Variants in CCDC88C observed in about 807,000 individuals in gnomAD.
CCDC88C encodes the protein coiled-coil and HOOK domain protein 88C, also known as protein Daple.
A neutral mutation model predicts 198.8 loss-of-function variants in CCDC88C; 131 were observed. The observed-to-expected ratio is 0.66, with a 90% CI of 0.57 to 0.76. The LOEUF (loss-of-function observed/expected upper bound fraction) is 0.76. CCDC88C is among the 30% of genes least tolerant of loss of function. The pLI is 0.00. For synonymous variants in CCDC88C, 1,166 were observed against 1,114.7 expected, an observed-to-expected ratio of 1.05 and a Z score of -0.92; for missense variants, 2,553 against 2,631.6, an observed-to-expected ratio of 0.97 and a Z score of 0.65.
intron 3 of CCDC88C, 54 bp downstream of exon 3, chr14:91,408,605 G>T: frequency 8.8e-7 from 1 of 1,135,354 alleles, no homozygotes; most frequent in Non-Finnish European, 1.3e-6. Flanking sequence ...AACCGTGACA[G>T]TGACGATACT....
chr14:91,393,837 G>C (rs1213382342), intron 3 of CCDC88C, among the ~76,000 whole-genome samples: 2 of 152,218 alleles, frequency 1.3e-5, no homozygotes, highest in Non-Finnish European at 1.5e-5. Context: ...CTGGGCGACA[G>C]AGCGAGACTC....
intron 3 of CCDC88C, among the ~76,000 whole-genome samples, chr14:91,366,166 AC>A (rs1165154384): frequency 3.0e-5 from 4 of 131,824 alleles, no homozygotes; most frequent in African/African-American, 1.7e-4. Flanking sequence ...ACACACACAC[AC>A]ACACACACAC....
In CCDC88C at chr14:91,315,729, G is replaced by T. The variant is rs376473736; in HGVS notation, c.1586C>A (p.Thr529Asn). The change falls in exon 14 of 30, where the codon ACC (threonine) becomes AAC (asparagine). Residue 529 changes from threonine (T) to asparagine (N), a missense_variant. This residue lies in a region of CCDC88C where 1,260 missense variants were observed against 1,412.0 expected (regional missense o/e 0.89). Coordinates refer to ENST00000389857, the MANE Select transcript of CCDC88C (RefSeq NM_001080414.4). ...CTCTCTGATCAGCTCCTCACTGAGG[G>T]TCTCCAGATCTTGGTTGCTCTGCTT... Reference protein sequence around the residue: ...REKQSNQDLETLSEELIREKE... With the variant: ...REKQSNQDLENLSEELIREKE... 6.2e-6 allele frequency: 10 copies of T among 1,613,780 alleles called. No homozygotes were observed. The highest frequency in any genetic ancestry group is 7.6e-6 in the Non-Finnish European group (9 of 1,179,810).
rs1024705114 is a variant in CCDC88C, at chr14:91,326,560, A to C, written c.1051-504T>G. Among the ~76,000 whole-genome samples the C allele has an allele frequency of 5.2e-4, 79 of 152,148 alleles. 1 individual carries two copies. The highest frequency in any genetic ancestry group is 1.9e-3 in the African/African-American group (79 of 41,428). ...GCAAGGACAATGGACTTTCTCTGCTATAAGAAAAAAAAATCCATGAATCAA... is the reference window on the plus strand; with the variant it reads ...GCAAGGACAATGGACTTTCTCTGCTCTAAGAAAAAAAAATCCATGAATCAA... On this transcript the variant is annotated intron_variant, in intron 10 of 29. Coordinates refer to ENST00000389857, the MANE Select transcript of CCDC88C (RefSeq NM_001080414.4).
chr14:91,416,084 G>A (rs1260199133), intron 2 of CCDC88C, among the ~76,000 whole-genome samples: 2 of 152,186 alleles, frequency 1.3e-5, no homozygotes, highest in East Asian at 1.9e-4. Flanking sequence ...CAATCAGGCC[G>A]TGCAGAGCTC....
intron 10 of CCDC88C, among the ~76,000 whole-genome samples, chr14:91,328,072 G>GT (rs1178251245): frequency 2.6e-5 from 4 of 152,174 alleles, no homozygotes; most frequent in Admixed American, 2.0e-4. Context: ...TGAGCCTCGC[G>GT]TAAGTGTTCA....
intron 23 of CCDC88C, among the ~76,000 whole-genome samples, chr14:91,293,106 C>CACCTTCCCATCCTCACCTGCCACAGCT (rs1890741740): frequency 6.0e-5 from 1 of 16,652 alleles, no homozygotes. Context: ...CTGCCACGGC[C>CACCTTCCCATCCTCACCTGCCACAGCT]CACCTTCCCG....
At position 91,325,530 on chromosome 14, in the gene CCDC88C, A is replaced by G. The variant is rs1228857834; in HGVS notation, c.1197+380T>C. On this transcript the variant is annotated intron_variant, in intron 11 of 29. Coordinates refer to ENST00000389857, the MANE Select transcript of CCDC88C (RefSeq NM_001080414.4). This position sits in a 1 kb window ranked among gnomAD's most constrained non-coding sequence, Gnocchi z 4.1. ...ACAAACCCAGTAGCTAAACTATCAG[A>G]GAAGGGCACGCCATAAACCTGAACC... Among the ~76,000 whole-genome samples, 2 of 152,192 alleles carry G rather than the reference A, an allele frequency of 1.3e-5. No individual in the cohort carries two copies. The highest frequency in any genetic ancestry group is 3.8e-4 in the East Asian group (2 of 5,196).
At chr14:91,285,338 C>A in intron 25 of CCDC88C, 1 of 427,564 alleles carries the variant, frequency 2.3e-6, no homozygotes, top group South Asian at 1.6e-5. Flanking sequence ...GACACACGGG[C>A]AAAACATAAG....
intron 4 of CCDC88C, among the ~76,000 whole-genome samples, chr14:91,346,212 T>C (rs1893541366): frequency 6.6e-6 from 1 of 152,188 alleles, no homozygotes; most frequent in Admixed American, 6.5e-5. Context: ...TGGCTTTCCT[T>C]GAGATAATGA....
intron 29 of CCDC88C, among the ~76,000 whole-genome samples, chr14:91,275,009 T>C (rs543302690): frequency 3.3e-5 from 5 of 152,142 alleles, no homozygotes; most frequent in Non-Finnish European, 7.4e-5. Flanking sequence ...CCTCCCTGCA[T>C]CATCGACGCC....
At chr14:91,301,671 C>T (rs1472231245) in intron 20 of CCDC88C, among the ~76,000 whole-genome samples, 2 of 152,138 alleles carry the variant, frequency 1.3e-5, no homozygotes, top group Non-Finnish European at 2.9e-5. Context: ...GAGCCAAGAT[C>T]GCTCCACTGC....
At chr14:91,319,967 T>A (rs1015455788) in intron 13 of CCDC88C, among the ~76,000 whole-genome samples, 2 of 130,666 alleles carry the variant, frequency 1.5e-5, no homozygotes, top group African/African-American at 6.1e-5. Context: ...GGAGTTGCAA[T>A]GAGCTGAGAT....
chr14:91,301,771 A>G lies in CCDC88C; in HGVS notation c.3636-1701T>C, dbSNP rs138919908. Among the ~76,000 whole-genome samples the G allele has an allele frequency of 1.3e-3, 191 of 152,364 alleles. 1 individual carries two copies. The highest frequency in any genetic ancestry group is 4.4e-3 in the African/African-American group (184 of 41,580). ...ACAGCATTATTTAATACGACATAAC[A>G]TAACACTAAGAATAAGGCACGCAAG... On this transcript the variant is annotated intron_variant, in intron 20 of 29. Transcript: ENST00000389857.
intron 13 of CCDC88C, among the ~76,000 whole-genome samples, chr14:91,317,256 GGTCCCAGACCAAAGCAAGC>G (rs1329376837): frequency 6.6e-6 from 1 of 152,238 alleles, no homozygotes; most frequent in Non-Finnish European, 1.5e-5. Context: ...GGTTTCCAGA[GGTCCCAGACCAAAGCAAGC>G]GTGCAGCCTG....
chr14:91,293,454 C>CCTGCCCCCTCGCCTGCCACAGCT (rs1890810750), intron 23 of CCDC88C, among the ~76,000 whole-genome samples: 1 of 1,064 alleles, frequency 9.4e-4, no homozygotes, highest in Non-Finnish European at 2.0e-3. Flanking sequence ...CTGCCACGGT[C>CCTGCCCCCTCGCCTGCCACAGCT]CACCTTCCCA....
At chr14:91,335,846 G>A (rs937736361) in intron 10 of CCDC88C, among the ~76,000 whole-genome samples, 14 of 152,166 alleles carry the variant, frequency 9.2e-5, no homozygotes, top group Admixed American at 2.6e-4. Context: ...TCCAATCTGA[G>A]AACAGGTGTC....
At chr14:91,340,370 G>A (rs993392046) in intron 6 of CCDC88C, among the ~76,000 whole-genome samples, 2 of 152,238 alleles carry the variant, frequency 1.3e-5, no homozygotes, top group Admixed American at 6.5e-5. Flanking sequence ...CAGGGTGAGA[G>A]GGTGAGGAAA....
At position 91,313,177 on chromosome 14, in the gene CCDC88C, C is replaced by T. The variant is rs1419933309; in HGVS notation, c.2639G>A (p.Arg880Lys). Reference protein sequence around the residue: ...RALDKELARCRDAAGKLKELE... With the variant: ...RALDKELARCKDAAGKLKELE... ...CTCCTTCAGCTTGCCGGCTGCGTCC[C>T]TGCAGCGGGCCAGCTCCTTGTCCAG... Residue 880 changes from arginine to lysine, a missense_variant, in exon 15 of 30, where the codon AGG becomes AAG. This residue lies in a region of CCDC88C where 1,260 missense variants were observed against 1,412.0 expected (regional missense o/e 0.89). Coordinates refer to ENST00000389857, the MANE Select transcript of CCDC88C (RefSeq NM_001080414.4). This position sits in a 1 kb window ranked among gnomAD's most constrained non-coding sequence, Gnocchi z 5.2. 9 of 1,612,692 alleles carry T rather than the reference C, an allele frequency of 5.6e-6. No individual in the cohort carries two copies. The African/African-American group carries it at 1.1e-4, about 19-fold the overall frequency.
Sources: allele counts gnomAD v4.1 joint callset (sites outside exome capture counted in the v4.1 genomes callset), GRCh38; gene constraint gnomAD v4.1.1; regional missense constraint gnomAD v4.1.1; non-coding constraint Gnocchi (gnomAD v3.1); transcripts MANE v1.5; gene names NCBI Gene and HGNC (gene_info 2026-07-23, HGNC 2026-07-21).